Variants in KIF6 observed in about 807,000 individuals in gnomAD.
The protein encoded by KIF6 is kinesin-like protein KIF6.
KIF6 carries 106 observed loss-of-function variants against 112.7 expected under a neutral mutation model. That is an observed-to-expected ratio of 0.94 (90% CI 0.80 to 1.11). KIF6 has a LOEUF of 1.11. Among genes scored for constraint, KIF6 ranks in the 50% least tolerant of loss-of-function variants. The pLI, the probability that KIF6 is intolerant of heterozygous loss-of-function variation, is 0.00. For missense variants in KIF6, 929 were observed against 964.0 expected, an observed-to-expected ratio of 0.96 and a Z score of 0.48; for synonymous variants, 339 against 339.9, an observed-to-expected ratio of 1.00 and a Z score of 0.03.
At chr6:39,713,169 G>A (rs1016971781) in intron 3 of KIF6, among the ~76,000 whole-genome samples, 1 of 152,120 alleles carries the variant, frequency 6.6e-6, no homozygotes, top group Non-Finnish European at 1.5e-5. Context: ...AATGGTCACC[G>A]CACACAATTA....
intron 10 of KIF6, among the ~76,000 whole-genome samples, chr6:39,563,444 T>C (rs192117577): frequency 2.0e-5 from 3 of 152,300 alleles, no homozygotes; most frequent in Admixed American, 6.5e-5. Context: ...AAACTAACAG[T>C]ATAGTTTAGA....
intron 13 of KIF6, among the ~76,000 whole-genome samples, chr6:39,453,022 C>T (rs1009988433): frequency 6.6e-6 from 1 of 152,176 alleles, no homozygotes; most frequent in Non-Finnish European, 1.5e-5. Flanking sequence ...ATGACGGATG[C>T]CTCCAAGTTG....
At chr6:39,663,214 G>A (rs1193033234) in intron 3 of KIF6, among the ~76,000 whole-genome samples, 1 of 152,138 alleles carries the variant, frequency 6.6e-6, no homozygotes, top group African/African-American at 2.4e-5. Context: ...ACCAGTCACA[G>A]GAACACTAAT....
At chr6:39,570,848 A>G (rs1780602045) in intron 10 of KIF6, among the ~76,000 whole-genome samples, 1 of 152,202 alleles carries the variant, frequency 6.6e-6, no homozygotes, top group Non-Finnish European at 1.5e-5. Flanking sequence ...CTAAACTGTG[A>G]GTCAATTAAA....
intron 4 of KIF6, among the ~76,000 whole-genome samples, chr6:39,635,869 T>C (rs982949668): frequency 2.0e-5 from 3 of 152,094 alleles, no homozygotes; most frequent in Non-Finnish European, 4.4e-5. Flanking sequence ...TCCGCAAATA[T>C]TATCATGCTT....
intron 6 of KIF6, among the ~76,000 whole-genome samples, chr6:39,597,772 T>C (rs1028134443): frequency 2.6e-5 from 4 of 152,148 alleles, no homozygotes; most frequent in African/African-American, 9.7e-5. Flanking sequence ...TTGACCAAGA[T>C]AATCCAAAAT....
At chr6:39,581,073 TA>T (rs1334254533) in intron 9 of KIF6, among the ~76,000 whole-genome samples, 8 of 152,022 alleles carry the variant, frequency 5.3e-5, no homozygotes, top group Non-Finnish European at 1.0e-4. Flanking sequence ...CTTTCTGGAA[TA>T]TTTGGTAGTA....
intron 13 of KIF6, among the ~76,000 whole-genome samples, chr6:39,466,615 C>G (rs947948916): frequency 1.3e-5 from 2 of 152,014 alleles, no homozygotes; most frequent in Non-Finnish European, 2.9e-5. Flanking sequence ...GGAAGCTCTA[C>G]TCTGGATGAC....
At chr6:39,532,172 C>T (rs995659664) in intron 13 of KIF6, among the ~76,000 whole-genome samples, 1 of 152,124 alleles carries the variant, frequency 6.6e-6, no homozygotes, top group African/African-American at 2.4e-5. Flanking sequence ...TCTTCCCTGT[C>T]AATCTGTACA....
At chr6:39,645,397 T>C (rs1360115995) in intron 3 of KIF6, among the ~76,000 whole-genome samples, 4 of 152,138 alleles carry the variant, frequency 2.6e-5, no homozygotes, top group Non-Finnish European at 5.9e-5. Flanking sequence ...AGGCTCCAAG[T>C]AGAAGATTGT....
chr6:39,563,925 A>G (rs1044334858), intron 10 of KIF6, among the ~76,000 whole-genome samples: 1 of 152,200 alleles, frequency 6.6e-6, no homozygotes, highest in African/African-American at 2.4e-5. Context: ...CATTTCTTTG[A>G]TAATTAACCA....
At chr6:39,677,994 C>T (rs375030929) in intron 3 of KIF6, among the ~76,000 whole-genome samples, 8 of 151,074 alleles carry the variant, frequency 5.3e-5, no homozygotes, top group African/African-American at 1.7e-4. Flanking sequence ...AATAAACATA[C>T]GTGTGCATGT....
chr6:39,663,815 C>A (rs1380892458), intron 3 of KIF6, among the ~76,000 whole-genome samples: 2 of 151,902 alleles, frequency 1.3e-5, no homozygotes, highest in Non-Finnish European at 2.9e-5. Context: ...AGACTGAAGA[C>A]AGCATTTTAT....
Position 39,346,516 on chromosome 6 carries a change from A to G in KIF6, c.2191T>C (p.Trp731Arg), listed in dbSNP as rs1451058044. 1 of 713,284 alleles carries G rather than the reference A, an allele frequency of 1.4e-6. No homozygotes were observed. The highest frequency in any genetic ancestry group is 2.0e-5 in the Admixed American group (1 of 49,946). 44.2% of individuals were successfully genotyped at this position (713,284 alleles called of 1,614,324 possible). Residue 731 changes from tryptophan (W) to arginine (R), a missense_variant, in exon 20 of 23, where the codon TGG (tryptophan) becomes CGG (arginine). This residue lies in a region of KIF6 where 241 missense variants were observed against 301.4 expected (regional missense o/e 0.80). Coordinates refer to ENST00000287152, the MANE Select transcript of KIF6 (RefSeq NM_145027.6). ...QLLSNKSSGGWEVQDQGTGRF... is the reference protein window; with the variant it reads ...QLLSNKSSGGREVQDQGTGRF... ...CCAGTGCCTTGATCTTGGACTTCCC[A>G]GCCTCCAGAACTGTGAAAAATAAAC... is the stretch of plus-strand genomic sequence containing the variant.
intron 15 of KIF6, among the ~76,000 whole-genome samples, chr6:39,404,476 C>T (rs563777069): frequency 2.4e-4 from 36 of 152,266 alleles, no homozygotes; most frequent in African/African-American, 8.7e-4. Context: ...ATCAATGAAC[C>T]TTACAGGTGT....
chr6:39,524,883 G>A (rs370844467), intron 13 of KIF6, among the ~76,000 whole-genome samples: 3 of 152,276 alleles, frequency 2.0e-5, no homozygotes, highest in South Asian at 4.1e-4. Flanking sequence ...TAATATATGG[G>A]GAAATGCAAC....
At position 39,644,055 on chromosome 6, in the gene KIF6, A is replaced by G. The variant is rs576946471; in HGVS notation, c.252-4298T>C. 2.6e-5 allele frequency among the ~76,000 whole-genome samples: 4 copies of G among 152,262 alleles called. No homozygotes were observed. In the South Asian group the frequency reaches 8.3e-4, roughly 32 times the overall value. Reference sequence around the variant, plus strand: ...GACATTTCTCTAAAAAGAAATGCAAATGGCCAATAACATATAAAAAGATGC... The same window carrying G: ...GACATTTCTCTAAAAAGAAATGCAAGTGGCCAATAACATATAAAAAGATGC... On this transcript the variant is annotated intron_variant, in intron 3 of 22. Transcript: ENST00000287152.
At chr6:39,576,629 G>A (rs550491840) in intron 10 of KIF6, among the ~76,000 whole-genome samples, 51 of 152,264 alleles carry the variant, frequency 3.3e-4, no homozygotes, top group African/African-American at 9.9e-4. Flanking sequence ...GCTCTTCAGT[G>A]GCTGCAGCGG....
intron 13 of KIF6, among the ~76,000 whole-genome samples, chr6:39,450,501 A>G (rs1351778749): frequency 6.6e-6 from 1 of 152,300 alleles, no homozygotes; most frequent in African/African-American, 2.4e-5. Flanking sequence ...GGGGTAACAG[A>G]ATGATGTAAA....
Sources: gnomAD v4.1 joint callset for allele counts (sites outside exome capture counted in the v4.1 genomes callset) on GRCh38, gnomAD v4.1.1 for gene constraint, gnomAD v4.1.1 regional missense constraint, MANE v1.5 for transcripts, NCBI Gene and HGNC (gene_info 2026-07-23, HGNC 2026-07-21) for gene names.